ATP2C2: variants seen among roughly 807,000 people sequenced by gnomAD.
ATP2C2 encodes the protein calcium-transporting ATPase type 2C member 2.
Under a neutral mutation model 110.8 loss-of-function variants are expected in ATP2C2, and 171 were observed. That is an observed-to-expected ratio of 1.54 (90% confidence interval 1.36 to 1.75). ATP2C2 has a LOEUF of 1.75. Among genes scored for constraint, ATP2C2 ranks in the 40% most tolerant of loss-of-function variants. The probability of loss-of-function intolerance (pLI) is 0.00; values close to 1 mark genes in which losing one functional copy is unlikely to be tolerated. For missense variants in ATP2C2, 1,963 were observed against 1,235.0 expected, an observed-to-expected ratio of 1.59 and a Z score of -8.84; for synonymous variants, 804 against 508.4, an observed-to-expected ratio of 1.58 and a Z score of -7.82.
Position 84,442,593 on chromosome 16 carries a change from G to C in ATP2C2, c.1395G>C (p.Ala465=). The C allele has an allele frequency of 6.2e-7, 1 of 1,613,970 alleles. No homozygotes were observed. Among genetic ancestry groups the C allele is most frequent in the Non-Finnish European group, 8.5e-7 (1 of 1,179,906 alleles). ...CCGAGGGTGCATTGATGGCCCTGGC[G>C]ATGAAGGTAGGAGGTCCTGGGGTGG... The part of the protein sequence containing the change: ...QPTEGALMAL[A]MKMDLSDIKN... Residue 465 remains alanine (A), a synonymous_variant, in exon 15 of 27, where the codon GCG becomes GCC. Coordinates refer to ENST00000262429, the MANE Select transcript of ATP2C2 (RefSeq NM_014861.4).
In ATP2C2 at chr16:84,420,071, C is replaced by T. The variant is rs185417197; in HGVS notation, c.625-2319C>T. 4.7e-3 allele frequency among the ~76,000 whole-genome samples: 709 copies of T among 152,278 alleles called. 5 individuals are homozygous for T. The highest frequency in any genetic ancestry group is 0.016 in the African/African-American group (681 of 41,550). On this transcript the variant is annotated intron_variant, in intron 7 of 26. Coordinates refer to ENST00000262429, the MANE Select transcript of ATP2C2 (RefSeq NM_014861.4). ...CCATGGGGGCACCTAAAACCCTCCC[C>T]CAGCACATGTGACTTAACCTATCTC...
At chr16:84,438,633 G>T (rs544239416) in intron 11 of ATP2C2, among the ~76,000 whole-genome samples, 3 of 152,104 alleles carry the variant, frequency 2.0e-5, no homozygotes, top group Non-Finnish European at 4.4e-5. Flanking sequence ...CAGACACCCC[G>T]AAACAGATCC....
At chr16:84,459,523 A>T (rs749885941) in intron 23 of ATP2C2, 137 bp downstream of exon 23, 5 of 1,555,950 alleles carry the variant, frequency 3.2e-6, no homozygotes, top group Non-Finnish European at 4.3e-6. Flanking sequence ...CAGAAAACTG[A>T]AGTGTGTTGC....
Position 84,410,471 on chromosome 16 carries a change from G to A in ATP2C2, c.418-97G>A, listed in dbSNP as rs1024830743. The A allele has an allele frequency of 7.3e-6, 10 of 1,374,770 alleles. No individual in the cohort carries two copies. In the African/African-American group the frequency reaches 1.4e-4, roughly 20 times the overall value. The allele number at this position is 1,374,770 out of a possible 1,614,324, so 85.2% of individuals were successfully genotyped here. The stretch of plus-strand genomic sequence containing the variant: ...GTGCACATGTTTTGCAAGAAGAAAG[G>A]AAATCAATCATTAAAGACAAGCCCC... On this transcript the variant is annotated intron_variant, in intron 4 of 26. Coordinates refer to ENST00000262429, the MANE Select transcript of ATP2C2 (RefSeq NM_014861.4).
At chr16:84,439,098 C>T in intron 11 of ATP2C2, 68 bp from the exon 12 acceptor site, 2 of 1,589,314 alleles carry the variant, frequency 1.3e-6, no homozygotes, top group Non-Finnish European at 1.7e-6. Flanking sequence ...AAAGCATTGC[C>T]AGCCCCAGCT....
intron 26 of ATP2C2, 105 bp from the exon 27 acceptor site, chr16:84,463,507 CCT>C: frequency 1.1e-6 from 1 of 919,982 alleles, no homozygotes; most frequent in Non-Finnish European, 1.8e-6. Context: ...AAGGGCTGGT[CCT>C]CCGCACCTCT....
chr16:84,409,653 TG>T (rs1906096454), intron 4 of ATP2C2, among the ~76,000 whole-genome samples: 1 of 152,088 alleles, frequency 6.6e-6, no homozygotes, highest in African/African-American at 2.4e-5. Flanking sequence ...CCACCACTCC[TG>T]GTTAATTTTT....
At chr16:84,393,526 T>C (rs1449670865) in intron 1 of ATP2C2, among the ~76,000 whole-genome samples, 4 of 151,880 alleles carry the variant, frequency 2.6e-5, no homozygotes, top group African/African-American at 9.7e-5. Flanking sequence ...GGTTGAGAAG[T>C]GGATAGGAAA....
intron 21 of ATP2C2, among the ~76,000 whole-genome samples, chr16:84,458,819 A>AT (rs1380723278): frequency 6.6e-6 from 1 of 152,164 alleles, no homozygotes; most frequent in African/African-American, 2.4e-5. Context: ...CTGGGCAGGG[A>AT]TGGGGCCCCC....
chr16:84,385,785 C>T (rs1904310778), intron 1 of ATP2C2, among the ~76,000 whole-genome samples: 1 of 152,204 alleles, frequency 6.6e-6, no homozygotes, highest in African/African-American at 2.4e-5. Context: ...TGAGAACTCA[C>T]TCACTATCAT....
chr16:84,439,004 A>C, intron 11 of ATP2C2, 162 bp from the exon 12 acceptor site: 1 of 1,050,462 alleles, frequency 9.5e-7, no homozygotes, highest in Non-Finnish European at 1.4e-6. Flanking sequence ...TGGGTGCTGC[A>C]GAAGGAGGCA....
At chr16:84,384,436 G>C (rs1466664917) in intron 1 of ATP2C2, among the ~76,000 whole-genome samples, 5 of 152,176 alleles carry the variant, frequency 3.3e-5, no homozygotes, top group Non-Finnish European at 7.3e-5. Flanking sequence ...GCACGATACT[G>C]TGTCCTCCTT....
chr16:84,425,681 G>GCAT (rs1328731370), intron 10 of ATP2C2, 54 bp from the exon 11 acceptor site: 1 of 1,571,980 alleles, frequency 6.4e-7, no homozygotes, highest in Non-Finnish European at 8.8e-7. Flanking sequence ...ATCCCTCCAG[G>GCAT]CATCAGCGTG....
intron 17 of ATP2C2, among the ~76,000 whole-genome samples, chr16:84,449,615 C>A (rs982203702): frequency 6.6e-6 from 1 of 152,172 alleles, no homozygotes; most frequent in African/African-American, 2.4e-5. Context: ...AAGCCAGGCC[C>A]AGCTTCTGCG....
chr16:84,459,193 G>C lies in ATP2C2; in HGVS notation c.2216+5G>C. ...TGTCCGATTCCAGCTGAGCACGTAA[G>C]TAGAGGCCAGCATTCCGAGTGTCAT... On this transcript the variant is annotated splice_donor_5th_base_variant and intron_variant, in intron 22 of 26. Transcript: ENST00000262429. 1.2e-6 allele frequency: 2 copies of C among 1,614,240 alleles called. No individual in the cohort carries two copies. The highest frequency in any genetic ancestry group is 1.6e-4 in the Middle Eastern group (1 of 6,062).
At chr16:84,455,048 G>A in intron 21 of ATP2C2, 64 bp downstream of exon 21, 1 of 1,369,910 alleles carries the variant, frequency 7.3e-7, no homozygotes, top group Non-Finnish European at 1.0e-6. Context: ...CTTCTCCCTG[G>A]AACCTGCTAC....
At chr16:84,433,668 A>G (rs1457575617) in intron 11 of ATP2C2, among the ~76,000 whole-genome samples, 5 of 135,010 alleles carry the variant, frequency 3.7e-5, no homozygotes, top group Admixed American at 7.5e-5. Flanking sequence ...AAAACAAAAC[A>G]AACAACAACA....
At position 84,460,777 on chromosome 16, in the gene ATP2C2, G is replaced by A. The variant is rs770524472; in HGVS notation, c.2457G>A (p.Gly819=). The A allele has an allele frequency of 1.2e-6, 2 of 1,613,696 alleles. No individual in the cohort carries two copies. The highest frequency in any genetic ancestry group is 1.7e-5 in the Admixed American group (1 of 59,996). The change falls in exon 24 of 27, where the codon GGG becomes GGA. Residue 819 remains glycine, a synonymous_variant. Coordinates refer to ENST00000262429, the MANE Select transcript of ATP2C2 (RefSeq NM_014861.4). ...ILMSAAIIIS[G]TLFIFWKEMP... ...TGTCCGCGGCCATCATCATCAGCGG[G>A]ACCCTCTTTATCTTCTGGAAGGAGG...
intron 11 of ATP2C2, among the ~76,000 whole-genome samples, chr16:84,436,003 C>A (rs560057912): frequency 6.6e-6 from 1 of 152,136 alleles, no homozygotes; most frequent in African/African-American, 2.4e-5. Flanking sequence ...GTGGCACATG[C>A]CTGTAATTCC....
Sources: allele counts gnomAD v4.1 joint callset (sites outside exome capture counted in the v4.1 genomes callset), GRCh38; gene constraint gnomAD v4.1.1; transcripts MANE v1.5; gene names NCBI Gene and HGNC (gene_info 2026-07-23, HGNC 2026-07-21).